SH2D3A: variants seen among roughly 807,000 people sequenced by gnomAD.
SH2D3A encodes the protein SH2 domain containing 3A, also known as SH2 domain-containing protein 3A.
A neutral mutation model predicts 50.6 loss-of-function variants in SH2D3A; 46 were observed. The observed-to-expected ratio is 0.91, with a 90% confidence interval of 0.72 to 1.16. The LOEUF (loss-of-function observed/expected upper bound fraction) is 1.16. Ranked by LOEUF, SH2D3A falls within the 50% of genes most tolerant of loss-of-function variation. The pLI is 0.00. For synonymous variants in SH2D3A, 377 were observed against 348.4 expected (o/e 1.08, Z -0.91); for missense variants, 783 against 786.2 (o/e 1.00, Z 0.05).
intron 3 of SH2D3A, 43 bp from the exon 4 acceptor site, chr19:6,759,713 C>A: frequency 6.3e-7 from 1 of 1,581,372 alleles, no homozygotes. Flanking sequence ...CCCACCTAAG[C>A]AGTGTCCCCC....
intron 4 of SH2D3A, among the ~76,000 whole-genome samples, chr19:6,755,554 A>T (rs1179011322): frequency 1.3e-5 from 2 of 151,070 alleles, no homozygotes; most frequent in Non-Finnish European, 3.0e-5. Flanking sequence ...ATTTTTTTTT[A>T]ATTTTATTTT....
In SH2D3A at chr19:6,754,364, C is replaced by A; in HGVS notation, c.1159G>T (p.Glu387Ter). The A allele has an allele frequency of 6.4e-7, 1 of 1,563,334 alleles. No individual in the cohort carries two copies. Among genetic ancestry groups the A allele is most frequent in the Non-Finnish European group, 8.6e-7 (1 of 1,161,890 alleles). ...AGTCCCCTCAGTGCGGCTGCGCGCT[C>A]CTCCAGCGGCCCCGAGCAGCCCAGC... ...AVLGCSGPLE[E>*]RAAALRGLVE... Residue 387 changes from glutamate (E) to a stop codon, truncating the protein, a stop_gained, in exon 7 of 10, where the codon GAG becomes TAG. Transcript: ENST00000245908. LOFTEE classifies it high-confidence loss of function.
At chr19:6,767,137 G>T (rs906739201) in intron 1 of SH2D3A, among the ~76,000 whole-genome samples, 2 of 152,102 alleles carry the variant, frequency 1.3e-5, no homozygotes, top group Non-Finnish European at 2.9e-5. Flanking sequence ...GATCTGATTC[G>T]CCGTTTAAGA....
At chr19:6,761,214 T>C (rs1969999963) in intron 2 of SH2D3A, 2 of 556,582 alleles carry the variant, frequency 3.6e-6, no homozygotes, top group Non-Finnish European at 3.2e-6. Flanking sequence ...TGTCATGTGA[T>C]GAGAACTGGC....
rs143491346 is a variant in SH2D3A, at chr19:6,755,126, G to A, written c.686C>T (p.Pro229Leu). 2.5e-4 allele frequency: 408 copies of A among 1,613,906 alleles called. No individual in the cohort carries two copies. In the African/African-American group the frequency reaches 3.6e-3, roughly 14 times the overall value. The change falls in exon 5 of 10, where the codon CCG becomes CTG. Residue 229 changes from proline to leucine, a missense_variant. Pro to Leu is a moderately conservative substitution (Grantham distance 98). Transcript: ENST00000245908. ...TCGGGGCACCAGCTCGCAGTACGTC[G>A]GGGGACGTTCAGAGGCATCAGGCAG... ...FELPDASERP[P>L]TYCELVPRVP...
chr19:6,753,652 G>T lies in SH2D3A; in HGVS notation c.1385-11C>A. ...CGGGGTCGCAGGGTCCTGCGGAGGG[G>T]GAGGGTCTGATCAGGGTTTGGGGCT... On this transcript the variant is annotated splice_polypyrimidine_tract_variant and intron_variant, in intron 8 of 9. Coordinates refer to ENST00000245908, the MANE Select transcript of SH2D3A (RefSeq NM_005490.3). 1 of 1,553,890 alleles carries T rather than the reference G, an allele frequency of 6.4e-7. No individual in the cohort carries two copies. Among genetic ancestry groups the T allele is most frequent in the Non-Finnish European group, 8.7e-7 (1 of 1,151,446 alleles).
chr19:6,752,381 G>C lies in SH2D3A; in HGVS notation c.*212C>G, dbSNP rs150334187. 7.3e-5 allele frequency: 30 copies of C among 412,182 alleles called. No individual in the cohort carries two copies. The highest frequency in any genetic ancestry group is 5.9e-4 in the African/African-American group (29 of 49,148). The allele number at this position is 412,182 out of a possible 1,614,324, so 25.5% of individuals were successfully genotyped here. ...TAGAAATCACGGCTTTTAAGAGGTG[G>C]AGTCACATTTGAACTCTGGCCTCTG... is the stretch of plus-strand genomic sequence containing the variant. On this transcript the variant is annotated 3_prime_UTR_variant, in exon 10 of 10. Coordinates refer to ENST00000245908, the MANE Select transcript of SH2D3A (RefSeq NM_005490.3).
Position 6,755,026 on chromosome 19 carries a change from C to T in SH2D3A, c.786G>A (p.Glu262=), listed in dbSNP as rs766080598. ...EPEAPWWEAE[E]DEEEENRCFT... The stretch of plus-strand genomic sequence containing the variant: ...AACATCTATTCTCTTCCTCCTCATC[C>T]TCCTCGGCCTCCCACCATGGGGCCT... The change falls in exon 5 of 10, where the codon GAG becomes GAA. Residue 262 remains glutamate (E), a synonymous_variant. Transcript: ENST00000245908. 1.2e-6 allele frequency: 2 copies of T among 1,613,994 alleles called. No individual in the cohort carries two copies. The highest frequency in any genetic ancestry group is 1.7e-6 in the Non-Finnish European group (2 of 1,179,996).
intron 4 of SH2D3A, chr19:6,758,566 G>A (rs1047588062): frequency 5.9e-5 from 9 of 152,264 alleles, no homozygotes; most frequent in African/African-American, 2.2e-4. Context: ...GCCTTCCAAA[G>A]TGCTGGGATT....
intron 2 of SH2D3A, among the ~76,000 whole-genome samples, chr19:6,762,574 T>C (rs1385953423): frequency 6.9e-6 from 1 of 144,180 alleles, no homozygotes; most frequent in African/African-American, 2.6e-5. Flanking sequence ...GGAGCACTCA[T>C]GGCTCACTCA....
At chr19:6,764,503 C>T (rs1970199075) in intron 1 of SH2D3A, 2 of 152,140 alleles carry the variant, frequency 1.3e-5, no homozygotes, top group Admixed American at 1.3e-4. Context: ...ATTTATTCAG[C>T]ACCTTATGGG....
intron 8 of SH2D3A, 102 bp downstream of exon 8, chr19:6,753,950 C>A: frequency 7.3e-7 from 1 of 1,362,824 alleles, no homozygotes; most frequent in Non-Finnish European, 9.8e-7. Flanking sequence ...GTGAAGGGAC[C>A]GGGCCTAGAA....
chr19:6,759,812 A>T, intron 3 of SH2D3A, 142 bp from the exon 4 acceptor site: 1 of 715,596 alleles, frequency 1.4e-6, no homozygotes, highest in South Asian at 1.8e-5. Context: ...GACTCTTAGC[A>T]ACGTGTGGAG....
chr19:6,760,301 G>A (rs890299962), intron 3 of SH2D3A, among the ~76,000 whole-genome samples: 1 of 152,198 alleles, frequency 6.6e-6, no homozygotes, highest in African/African-American at 2.4e-5. Context: ...GCTTGAACCC[G>A]GGAGGCGGAG....
rs1397309673 is a variant in SH2D3A, at chr19:6,753,574, C to T, written c.1452G>A (p.Glu484=). 2 of 1,584,382 alleles carry T rather than the reference C, an allele frequency of 1.3e-6. No individual in the cohort carries two copies. The highest frequency in any genetic ancestry group is 1.7e-6 in the Non-Finnish European group (2 of 1,166,248). Residue 484 remains glutamate (E), a synonymous_variant, in exon 9 of 10, where the codon GAG becomes GAA. Coordinates refer to ENST00000245908, the MANE Select transcript of SH2D3A (RefSeq NM_005490.3). ...TCTCGTCCAGCGGCCCCGCGACTTCCTCGCCCTCCAGTAGGCGAACCATGG... is the reference window on the plus strand; with the variant it reads ...TCTCGTCCAGCGGCCCCGCGACTTCTTCGCCCTCCAGTAGGCGAACCATGG... ...VAPMVRLLEG[E]EVAGPLDESC...
intron 4 of SH2D3A, among the ~76,000 whole-genome samples, chr19:6,756,586 G>C (rs1969694284): frequency 6.6e-6 from 1 of 152,044 alleles, no homozygotes; most frequent in Non-Finnish European, 1.5e-5. Context: ...GACGTCCTTT[G>C]TAAGTTGGTG....
chr19:6,752,597 C>T lies in SH2D3A; in HGVS notation c.1727G>A (p.Arg576His). 6.5e-7 allele frequency: 1 copy of T among 1,547,582 alleles called. No homozygotes were observed. Among genetic ancestry groups the T allele is most frequent in the South Asian group, 1.2e-5 (1 of 84,372 alleles). Residue 576 changes from arginine (R) to histidine (H), a missense_variant, in exon 10 of 10, where the codon CGC becomes CAC. Physicochemically the swap from Arg to His is conservative, Grantham distance 29 (BLOSUM62 0). Transcript: ENST00000245908. ...GVLSQRLEPD[R>H] ...TGAAGAAGGGTGTCTGCGCTCTCAG[C>T]GGTCAGGCTCCAGGCGCTGCGACAG...
Position 6,754,373 on chromosome 19 carries a change from GC to G in SH2D3A, c.1149del (p.Pro384ArgfsTer9), listed in dbSNP as rs774057425. ...AGTGCGGCTGCGCGCTCCTCCAGCG[GC>G]CCCGAGCAGCCCAGCACCGCCAGCG... is the stretch of plus-strand genomic sequence containing the variant. ...AGALAVLGCS[G>X]PLEERAAALR... On this transcript the variant is annotated frameshift_variant, in exon 7 of 10. Coordinates refer to ENST00000245908, the MANE Select transcript of SH2D3A (RefSeq NM_005490.3). LOFTEE classifies it high-confidence loss of function. 3 of 1,552,198 alleles carry G rather than the reference GC, an allele frequency of 1.9e-6. No homozygotes were observed. The highest frequency in any genetic ancestry group is 2.6e-6 in the Non-Finnish European group (3 of 1,157,534).
chr19:6,752,835 CCAGAGGA>C, intron 9 of SH2D3A, 82 bp from the exon 10 acceptor site: 1 of 1,436,452 alleles, frequency 7.0e-7, no homozygotes, highest in South Asian at 1.5e-5. Flanking sequence ...CTTCCTTTCC[CCAGAGGA>C]CTTTGACCCA....
Sources: gnomAD v4.1 joint callset for allele counts (sites outside exome capture counted in the v4.1 genomes callset) on GRCh38, gnomAD v4.1.1 for gene constraint, MANE v1.5 for transcripts, NCBI Gene and HGNC (gene_info 2026-07-23, HGNC 2026-07-21) for gene names.